The following AGAP1 variants were observed in gnomAD, a reference collection of about 807,000 sequenced individuals.
AGAP1 encodes the protein ArfGAP with GTPase domain, ankyrin repeat and PH domain 1, also known as arf-GAP with GTPase, ANK repeat and PH domain-containing protein 1.
A neutral mutation model predicts 105.3 loss-of-function variants in AGAP1; 29 were observed. The observed-to-expected ratio is 0.28, with a 90% CI of 0.21 to 0.38. The LOEUF (loss-of-function observed/expected upper bound fraction) is 0.38. Ranked by LOEUF, AGAP1 falls within the 10% of genes least tolerant of loss-of-function variation. The pLI is 1.00. For missense variants in AGAP1, 998 were observed against 1,165.1 expected, an observed-to-expected ratio of 0.86 and a Z score of 2.09; for synonymous variants, 509 against 485.9, an observed-to-expected ratio of 1.05 and a Z score of -0.63.
chr2:235,668,513 C>T (rs1347158669), intron 1 of AGAP1, among the ~76,000 whole-genome samples: 2 of 152,200 alleles, frequency 1.3e-5, no homozygotes, highest in Non-Finnish European at 2.9e-5. Flanking sequence ...ATTTCTAGGC[C>T]TGGAGAAGGT....
intron 1 of AGAP1, among the ~76,000 whole-genome samples, chr2:235,570,258 C>T (rs4561613): frequency 0.46 from 69,463 of 152,072 alleles, 17,503 homozygotes; most frequent in African/African-American, 0.67. Flanking sequence ...CCCCGGCTAG[C>T]GGCTGTTGCC....
At chr2:235,661,305 G>T (rs1015102092) in intron 1 of AGAP1, among the ~76,000 whole-genome samples, 5 of 152,122 alleles carry the variant, frequency 3.3e-5, no homozygotes, top group African/African-American at 1.2e-4. Context: ...TGTTAAGTGG[G>T]ACGTAATCGA....
chr2:235,670,366 T>A (rs1476550918), intron 1 of AGAP1: 3 of 537,336 alleles, frequency 5.6e-6, no homozygotes, highest in Non-Finnish European at 1.0e-5. Flanking sequence ...GGCCGCGCGC[T>A]TGGGATTTCC....
chr2:235,890,952 A>AAAAAAAAAAAAAC lies in AGAP1; in HGVS notation c.1155+7504_1155+7505insAAAAAAAAAAACA, dbSNP rs769338135. 3.3e-5 allele frequency among the ~76,000 whole-genome samples: 5 copies of AAAAAAAAAAAAAC among 150,750 alleles called. No homozygotes were observed. In the East Asian group the frequency reaches 7.8e-4, roughly 23 times the overall value. On this transcript the variant is annotated intron_variant, in intron 10 of 17. Transcript: ENST00000304032. ...ACTAAAACTGAGGCTCAAAAAAAAAAACACCTCAGTTAATTCATCTTTCTT... is the reference window on the plus strand; with the variant it reads ...ACTAAAACTGAGGCTCAAAAAAAAAAAAAAAAAAAAAACACACCTCAGTTAATTCATCTTTCTT...
In AGAP1 at chr2:236,113,672, C is replaced by T. The variant is rs1468357880; in HGVS notation, c.2115-6520C>T. On this transcript the variant is annotated intron_variant, in intron 16 of 17. Transcript: ENST00000304032. The surrounding 1 kb of genome is among the most constrained non-coding windows in gnomAD (Gnocchi z 4.3). ...ATGGACACAGGGAAGCCACCTTGGC[C>T]AAGTCACCACCCCTCAAGGTCAGGT... is the stretch of plus-strand genomic sequence containing the variant. Among the ~76,000 whole-genome samples, 5 of 152,120 alleles carry T rather than the reference C, an allele frequency of 3.3e-5. No individual in the cohort carries two copies. Among genetic ancestry groups the T allele is most frequent in the Non-Finnish European group, 7.3e-5 (5 of 68,036 alleles).
chr2:236,011,101 T>C (rs781474747), intron 13 of AGAP1, among the ~76,000 whole-genome samples: 5 of 152,212 alleles, frequency 3.3e-5, no homozygotes, highest in Non-Finnish European at 7.3e-5. Flanking sequence ...GAGTTTTCCA[T>C]GTGTGTTTTA....
chr2:235,871,906 C>A (rs1318995606), intron 9 of AGAP1, among the ~76,000 whole-genome samples: 2 of 152,168 alleles, frequency 1.3e-5, no homozygotes, highest in Non-Finnish European at 2.9e-5. Flanking sequence ...TACAGGGACA[C>A]CAGTGCCACG....
At position 235,856,955 on chromosome 2, in the gene AGAP1, G is replaced by A. The variant is rs760197269; in HGVS notation, c.1051-26390G>A. Among the ~76,000 whole-genome samples the A allele has an allele frequency of 3.3e-5, 5 of 152,208 alleles. No individual in the cohort carries two copies. In the East Asian group the frequency reaches 5.8e-4, roughly 18 times the overall value. Reference sequence around the variant, plus strand: ...TGAGACCAGTGCCTGAAAGAATGCCGCTGTAGGGAAACATGAAGACACACA... The same window carrying A: ...TGAGACCAGTGCCTGAAAGAATGCCACTGTAGGGAAACATGAAGACACACA... On this transcript the variant is annotated intron_variant, in intron 9 of 17. Transcript: ENST00000304032.
chr2:235,834,682 C>T (rs780727666), intron 9 of AGAP1, among the ~76,000 whole-genome samples: 2 of 152,138 alleles, frequency 1.3e-5, no homozygotes, highest in African/African-American at 4.8e-5. Flanking sequence ...GAGGTCCCTG[C>T]GAGGTCCCCG....
At chr2:235,873,873 G>A (rs535347364) in intron 9 of AGAP1, among the ~76,000 whole-genome samples, 3 of 151,968 alleles carry the variant, frequency 2.0e-5, no homozygotes, top group Admixed American at 1.3e-4. Flanking sequence ...GACTACAGGT[G>A]CACACCCCCA....
chr2:235,571,049 C>G (rs1944495917), intron 1 of AGAP1, among the ~76,000 whole-genome samples: 1 of 152,180 alleles, frequency 6.6e-6, no homozygotes, highest in South Asian at 2.1e-4. Context: ...AGGGGAAGCC[C>G]ACGTTTCACA....
At chr2:235,815,642 A>G (rs2106246852) in intron 9 of AGAP1, among the ~76,000 whole-genome samples, 1 of 152,288 alleles carries the variant, frequency 6.6e-6, no homozygotes, top group Non-Finnish European at 1.5e-5. Flanking sequence ...ATATAAGGTA[A>G]GGCCACTTGA....
chr2:236,018,393 G>A (rs754234600), intron 13 of AGAP1, among the ~76,000 whole-genome samples: 4 of 152,224 alleles, frequency 2.6e-5, no homozygotes, highest in African/African-American at 9.6e-5. Context: ...AAGAGTGGAC[G>A]TTGTGCAGGA....
chr2:236,057,177 C>T (rs966013491), intron 16 of AGAP1, among the ~76,000 whole-genome samples: 4 of 152,162 alleles, frequency 2.6e-5, no homozygotes, highest in Admixed American at 6.5e-5. Flanking sequence ...GGTGCAATCT[C>T]GGCTCACTGC....
At position 235,960,839 on chromosome 2, in the gene AGAP1, G is replaced by C. The variant is rs952782047; in HGVS notation, c.1484-7623G>C. Among the ~76,000 whole-genome samples the C allele has an allele frequency of 6.6e-6, 1 of 152,144 alleles. No homozygotes were observed. Among genetic ancestry groups the C allele is most frequent in the South Asian group, 2.1e-4 (1 of 4,820 alleles). On this transcript the variant is annotated intron_variant, in intron 12 of 17. Transcript: ENST00000304032. The surrounding 1 kb of genome is among the most constrained non-coding windows in gnomAD (Gnocchi z 4.9). ...ACTTCACTCATGGACTCAGTCGTTC[G>C]CCTAAAAATAGATTCCAAATGGTTG...
At chr2:235,808,481 A>T (rs1455792405) in intron 9 of AGAP1, among the ~76,000 whole-genome samples, 4 of 152,174 alleles carry the variant, frequency 2.6e-5, no homozygotes, top group African/African-American at 9.7e-5. Flanking sequence ...CAGCGTGAAG[A>T]TGTGGGAGAG....
rs769775644 is a variant in AGAP1 at position 235,908,880 on chromosome 2, G to A, written c.1298G>A (p.Ser433Asn). Residue 433 changes from serine (S) to asparagine (N), a missense_variant, in exon 11 of 18, where the codon AGC becomes AAC. Coordinates refer to ENST00000304032, the MANE Select transcript of AGAP1 (RefSeq NM_001037131.3). The surrounding 1 kb of genome is among the most constrained non-coding windows in gnomAD (Gnocchi z 4.4). ...PKTNGLSKDM[S>N]SLHISPNSGN... ...ACCAATGGCCTATCCAAGGACATGA[G>A]CAGTTTACACATCTCACCCAATTCA... 1.7e-5 allele frequency: 28 copies of A among 1,613,818 alleles called. No homozygotes were observed. Among genetic ancestry groups the A allele is most frequent in the Non-Finnish European group, 2.3e-5 (27 of 1,179,910 alleles).
chr2:236,029,143 C>T (rs2057144560), intron 13 of AGAP1, among the ~76,000 whole-genome samples: 1 of 151,826 alleles, frequency 6.6e-6, no homozygotes, highest in Admixed American at 6.6e-5. Context: ...CCATGGTAGA[C>T]ATTGTCATTA....
In AGAP1 at chr2:235,777,079, C is replaced by G. The variant is rs1268552021; in HGVS notation, c.674-20680C>G. 1.5e-5 allele frequency: 7 copies of G among 470,922 alleles called. No homozygotes were observed. In the Admixed American group the frequency reaches 1.6e-4, roughly 11 times the overall value. 29.2% of individuals were successfully genotyped at this position (470,922 alleles called of 1,614,324 possible). ...GAGGAAGTATTAGACAGAAGTGATGCTGGGCGCGGTGGCTCATGCCTGTAA... is the reference window on the plus strand; with the variant it reads ...GAGGAAGTATTAGACAGAAGTGATGGTGGGCGCGGTGGCTCATGCCTGTAA... On this transcript the variant is annotated intron_variant, in intron 6 of 17. Transcript: ENST00000304032. This position sits in a 1 kb window ranked among gnomAD's most constrained non-coding sequence, Gnocchi z 5.1.
Sources: allele counts gnomAD v4.1 joint callset (sites outside exome capture counted in the v4.1 genomes callset), GRCh38; gene constraint gnomAD v4.1.1; non-coding constraint Gnocchi (gnomAD v3.1); transcripts MANE v1.5; gene names NCBI Gene and HGNC (gene_info 2026-07-23, HGNC 2026-07-21).